Variants in EXT2 observed in about 807,000 individuals in gnomAD.
EXT2 encodes the protein exostosin-2.
In EXT2, 53 loss-of-function variants were observed where a neutral mutation model predicts 81.6. The observed-to-expected ratio is 0.65, with a 90% CI of 0.52 to 0.82. The LOEUF (loss-of-function observed/expected upper bound fraction) is 0.82. Ranked by LOEUF, EXT2 falls within the 40% of genes least tolerant of loss-of-function variation. The pLI, the probability that EXT2 is intolerant of heterozygous loss-of-function variation, is 0.00. For synonymous variants in EXT2, 320 were observed against 340.0 expected (o/e 0.94, Z 0.65); for missense variants, 774 against 910.2 (o/e 0.85, Z 1.93).
intron 2 of EXT2, 58 bp downstream of exon 2, chr11:44,108,306 C>T: frequency 1.3e-6 from 2 of 1,565,666 alleles, no homozygotes; most frequent in South Asian, 1.1e-5. Context: ...CCTCAGGGAA[C>T]TAAAGGGAAG....
chr11:44,169,717 AT>A (rs1383687350), intron 7 of EXT2, among the ~76,000 whole-genome samples: 2 of 152,146 alleles, frequency 1.3e-5, no homozygotes, highest in Non-Finnish European at 2.9e-5. Context: ...AGTATTTCAG[AT>A]TTCAGATTTT....
intron 10 of EXT2, among the ~76,000 whole-genome samples, chr11:44,224,022 A>C (rs1051568227): frequency 6.6e-6 from 1 of 152,178 alleles, no homozygotes; most frequent in Non-Finnish European, 1.5e-5. Context: ...CCTTGATTCT[A>C]TCAATGTCAA....
intron 8 of EXT2, among the ~76,000 whole-genome samples, chr11:44,173,134 A>G (rs12798405): frequency 0.29 from 44,263 of 152,110 alleles, 7,059 homozygotes; most frequent in Admixed American, 0.45. Context: ...GTAGTGGAGT[A>G]GAGTGGTGTA....
intron 7 of EXT2, among the ~76,000 whole-genome samples, chr11:44,163,061 G>A (rs1381057874): frequency 6.6e-6 from 1 of 152,150 alleles, no homozygotes; most frequent in Non-Finnish European, 1.5e-5. Context: ...GGATCCCCAA[G>A]TTAAAGGGAT....
chr11:44,127,509 C>T (rs1954425769), intron 6 of EXT2, among the ~76,000 whole-genome samples: 1 of 152,196 alleles, frequency 6.6e-6, no homozygotes, highest in African/African-American at 2.4e-5. Context: ...TAACTAATGC[C>T]TGATGATCTG....
chr11:44,101,530 C>T (rs894838221), intron 1 of EXT2, among the ~76,000 whole-genome samples: 4 of 152,202 alleles, frequency 2.6e-5, no homozygotes, highest in African/African-American at 4.8e-5. Flanking sequence ...GCAATAAATG[C>T]GGTGGAGGCA....
intron 4 of EXT2, among the ~76,000 whole-genome samples, chr11:44,123,964 G>A (rs1954355883): frequency 6.7e-6 from 1 of 148,462 alleles, no homozygotes; most frequent in African/African-American, 2.5e-5. Flanking sequence ...TTCCAGGAGG[G>A]AATTACTTCC....
intron 10 of EXT2, among the ~76,000 whole-genome samples, chr11:44,226,515 C>T (rs1955839890): frequency 6.6e-6 from 1 of 152,196 alleles, no homozygotes. Flanking sequence ...CTGCCAACTA[C>T]CACTGTAGTT....
At position 44,207,610 on chromosome 11, in the gene EXT2, G is replaced by A. The variant is rs1027626721; in HGVS notation, c.1662+651G>A. 8.5e-5 allele frequency among the ~76,000 whole-genome samples: 13 copies of A among 152,162 alleles called. No homozygotes were observed. In the South Asian group the frequency reaches 1.0e-3, roughly 12 times the overall value. On this transcript the variant is annotated intron_variant, in intron 10 of 13. Coordinates refer to ENST00000533608, the MANE Select transcript of EXT2 (RefSeq NM_207122.2). ...ATGATGACAACAGGCGGAGGCCTGC[G>A]GCTGCGGGTAAAAGTGGTATCAGAC...
chr11:44,175,993 A>G (rs981651791), intron 8 of EXT2, among the ~76,000 whole-genome samples: 4 of 152,182 alleles, frequency 2.6e-5, no homozygotes, highest in African/African-American at 9.6e-5. Flanking sequence ...ACAAGTGATA[A>G]CTCAGGTCTT....
At chr11:44,129,260 G>A (rs1223279841) in intron 6 of EXT2, among the ~76,000 whole-genome samples, 1 of 152,142 alleles carries the variant, frequency 6.6e-6, no homozygotes, top group Non-Finnish European at 1.5e-5. Context: ...ACATGGTTAG[G>A]TTATATCATG....
intron 1 of EXT2, among the ~76,000 whole-genome samples, chr11:44,100,119 A>G (rs1357689198): frequency 1.3e-5 from 2 of 152,118 alleles, no homozygotes; most frequent in Non-Finnish European, 2.9e-5. Context: ...AGGACTGGGT[A>G]TTGTGGCCTA....
rs148029225 is a variant in EXT2 at position 44,243,054 on chromosome 11, G to T, written c.2019-1095G>T. ...GTTGGTGGACATGATGATGTTATGA[G>T]TTAAAAGCTCAAAATGAAATAATAA... On this transcript the variant is annotated intron_variant, in intron 13 of 13. Coordinates refer to ENST00000533608, the MANE Select transcript of EXT2 (RefSeq NM_207122.2). Among the ~76,000 whole-genome samples the T allele has an allele frequency of 3.3e-3, 498 of 152,280 alleles. 2 individuals are homozygous for T. Among genetic ancestry groups the T allele is most frequent in the African/African-American group, 0.012 (490 of 41,562 alleles).
intron 9 of EXT2, among the ~76,000 whole-genome samples, chr11:44,203,301 G>A (rs1006084939): frequency 6.6e-6 from 1 of 152,148 alleles, no homozygotes; most frequent in East Asian, 1.9e-4. Context: ...AGGGTAAAGA[G>A]AACTCTAAAG....
chr11:44,139,939 G>A (rs1411302967), intron 7 of EXT2, among the ~76,000 whole-genome samples: 13 of 152,288 alleles, frequency 8.5e-5, no homozygotes, highest in Non-Finnish European at 4.4e-5. Flanking sequence ...AAAATGCCAG[G>A]CAGAAGGGAT....
chr11:44,207,189 TCC>T (rs1955594059), intron 10 of EXT2, among the ~76,000 whole-genome samples: 1 of 152,200 alleles, frequency 6.6e-6, no homozygotes, highest in Admixed American at 6.5e-5. Flanking sequence ...TTTTGGGAAC[TCC>T]CAAGGAGAGT....
chr11:44,140,545 A>G (rs1247328203), intron 7 of EXT2, among the ~76,000 whole-genome samples: 1 of 152,142 alleles, frequency 6.6e-6, no homozygotes, highest in African/African-American at 2.4e-5. Flanking sequence ...AAAAACCATT[A>G]CCTGGATCAA....
At chr11:44,136,161 G>T (rs769241866) in intron 7 of EXT2, among the ~76,000 whole-genome samples, 1 of 152,180 alleles carries the variant, frequency 6.6e-6, no homozygotes, top group South Asian at 2.1e-4. Flanking sequence ...GATGTACTGA[G>T]GGTTCCCTGT....
intron 7 of EXT2, among the ~76,000 whole-genome samples, chr11:44,143,783 A>T (rs934452165): frequency 6.6e-6 from 1 of 152,216 alleles, no homozygotes; most frequent in Non-Finnish European, 1.5e-5. Context: ...TAGTAATAAT[A>T]GTGGACAGGG....
Sources: gnomAD v4.1 joint callset for allele counts (sites outside exome capture counted in the v4.1 genomes callset) on GRCh38, gnomAD v4.1.1 for gene constraint, MANE v1.5 for transcripts, NCBI Gene and HGNC (gene_info 2026-07-23, HGNC 2026-07-21) for gene names.